SKA3: variants seen among roughly 807,000 people sequenced by gnomAD.
The protein encoded by SKA3 is spindle and kinetochore-associated protein 3.
A neutral mutation model predicts 44.2 loss-of-function variants in SKA3; 39 were observed. The observed-to-expected ratio is 0.88, with a 90% CI of 0.68 to 1.15. The LOEUF is 1.15. Ranked by LOEUF, SKA3 falls within the 50% of genes most tolerant of loss-of-function variation. SKA3 has a pLI of 0.00. For synonymous variants in SKA3, 192 were observed against 172.0 expected (o/e 1.12, Z -0.91); for missense variants, 511 against 485.8 (o/e 1.05, Z -0.49).
At chr13:21,169,371 T>C (rs1337574367) in intron 3 of SKA3, among the ~76,000 whole-genome samples, 2 of 152,014 alleles carry the variant, frequency 1.3e-5, no homozygotes, top group Non-Finnish European at 2.9e-5. Context: ...AGCTAATTTT[T>C]TGTATTTTTG....
intron 4 of SKA3, among the ~76,000 whole-genome samples, chr13:21,163,384 T>C (rs574274966): frequency 2.0e-5 from 3 of 152,314 alleles, no homozygotes; most frequent in East Asian, 1.9e-4. Flanking sequence ...TTTTGAACTA[T>C]AAATGAAATA....
intron 6 of SKA3, among the ~76,000 whole-genome samples, chr13:21,158,909 A>C (rs1023141741): frequency 6.6e-6 from 1 of 152,172 alleles, no homozygotes; most frequent in African/African-American, 2.4e-5. Flanking sequence ...GTGTCACCTC[A>C]GTAGGGTACC....
At chr13:21,174,087 A>C (rs1054706948) in intron 1 of SKA3, among the ~76,000 whole-genome samples, 13 of 152,262 alleles carry the variant, frequency 8.5e-5, no homozygotes, top group Admixed American at 2.0e-4. Context: ...AGTCAGGAAA[A>C]AACAGGTGCT....
At chr13:21,169,496 T>C (rs1217910632) in intron 3 of SKA3, among the ~76,000 whole-genome samples, 1 of 151,804 alleles carries the variant, frequency 6.6e-6, no homozygotes, top group Non-Finnish European at 1.5e-5. Flanking sequence ...CCACCATGCC[T>C]GGTCACAACA....
In SKA3 at chr13:21,158,011, G is replaced by T; in HGVS notation, c.1030C>A (p.Pro344Thr). ...SDTCFENLTD[P>T]SSPTISSYEN... Reference sequence around the variant, plus strand: ...TAAGAAGAAATCGTAGGTGAAGAGGGATCTGTTAAATTCTCAAAGCATGTG... The same window carrying T: ...TAAGAAGAAATCGTAGGTGAAGAGGTATCTGTTAAATTCTCAAAGCATGTG... The change falls in exon 7 of 9, where the codon CCC becomes ACC. Residue 344 changes from proline (P) to threonine (T), a missense_variant. Pro to Thr is a conservative substitution (Grantham distance 38). Transcript: ENST00000314759. The T allele has an allele frequency of 1.2e-6, 2 of 1,613,304 alleles. No homozygotes were observed. The highest frequency in any genetic ancestry group is 1.7e-4 in the Middle Eastern group (1 of 6,058).
chr13:21,168,634 G>A (rs868630740), intron 3 of SKA3, among the ~76,000 whole-genome samples: 2 of 152,026 alleles, frequency 1.3e-5, no homozygotes, highest in Non-Finnish European at 2.9e-5. Flanking sequence ...TCAAGTGATC[G>A]TCCCATCTCA....
intron 5 of SKA3, among the ~76,000 whole-genome samples, chr13:21,161,224 C>T (rs187719181): frequency 2.6e-5 from 4 of 152,204 alleles, no homozygotes; most frequent in Admixed American, 6.5e-5. Context: ...GAGCCAAGAT[C>T]GTGCCACTAC....
chr13:21,155,426 T>G (rs7328788), intron 8 of SKA3, among the ~76,000 whole-genome samples: 114,994 of 136,816 alleles, frequency 0.84, 48,253 homozygotes, highest in East Asian at 0.98. Context: ...TTTTTTTTTT[T>G]AGATGGAGTC....
Position 21,155,801 on chromosome 13 carries a change from T to G in SKA3, c.1130A>C (p.Lys377Thr). 6.5e-7 allele frequency: 1 copy of G among 1,543,272 alleles called. No homozygotes were observed. Among genetic ancestry groups the G allele is most frequent in the South Asian group, 1.1e-5 (1 of 88,584 alleles). The change falls in exon 8 of 9, where the codon AAA becomes ACA. Residue 377 changes from lysine (K) to threonine (T), a missense_variant. By Grantham distance (78) the Lys-to-Thr change is moderately conservative (BLOSUM62 -1). Transcript: ENST00000314759. ...TGGAGTAGCTAGGTTTGAGTTGTAT[T>G]TTGATAAAAGCTAAAAAAAAAAAAG... The part of the protein sequence containing the change: ...IPEDILQLLS[K>T]YNSNLATPIA...
chr13:21,162,569 T>G (rs768633712), intron 4 of SKA3, among the ~76,000 whole-genome samples: 1 of 152,112 alleles, frequency 6.6e-6, no homozygotes, highest in Admixed American at 6.6e-5. Flanking sequence ...GGTTTCACCA[T>G]GTTGGCCAGG....
At chr13:21,158,167 A>C in intron 6 of SKA3, 42 bp from the exon 7 acceptor site, 1 of 981,300 alleles carries the variant, frequency 1.0e-6, no homozygotes. Context: ...GTAATATAAC[A>C]TAATGTAGTA....
At position 21,158,012 on chromosome 13, in the gene SKA3, A is replaced by T. The variant is rs1312206323; in HGVS notation, c.1029T>A (p.Asp343Glu). 6.2e-7 allele frequency: 1 copy of T among 1,613,314 alleles called. No homozygotes were observed. The highest frequency in any genetic ancestry group is 8.5e-7 in the Non-Finnish European group (1 of 1,179,350). ...AAGAAGAAATCGTAGGTGAAGAGGG[A>T]TCTGTTAAATTCTCAAAGCATGTGT... ...NSDTCFENLT[D>E]PSSPTISSYE... The change falls in exon 7 of 9, where the codon GAT (aspartate) becomes GAA (glutamate). Residue 343 changes from aspartate (D) to glutamate (E), a missense_variant. By Grantham distance (45) the Asp-to-Glu change is conservative. Transcript: ENST00000314759.
At chr13:21,162,984 G>T (rs1334798800) in intron 4 of SKA3, among the ~76,000 whole-genome samples, 1 of 152,196 alleles carries the variant, frequency 6.6e-6, no homozygotes, top group African/African-American at 2.4e-5. Context: ...GTTCATAGCT[G>T]CAGTGAGCTA....
At chr13:21,172,987 C>T (rs1236470133) in intron 1 of SKA3, among the ~76,000 whole-genome samples, 1 of 152,168 alleles carries the variant, frequency 6.6e-6, no homozygotes, top group African/African-American at 2.4e-5. Flanking sequence ...ATATCATCTA[C>T]GTTTGTGTTA....
At chr13:21,171,796 G>A (rs548946891) in intron 3 of SKA3, among the ~76,000 whole-genome samples, 88 of 152,232 alleles carry the variant, frequency 5.8e-4, no homozygotes, top group Non-Finnish European at 8.5e-4. Flanking sequence ...TAATAATACA[G>A]CTATTAAGTG....
chr13:21,165,722 C>T (rs565671291), intron 4 of SKA3, among the ~76,000 whole-genome samples: 29 of 152,064 alleles, frequency 1.9e-4, no homozygotes, highest in African/African-American at 6.5e-4. Context: ...ATTACTTGAG[C>T]CCAGGAGTTC....
chr13:21,176,536 C>T lies in SKA3; in HGVS notation c.-59G>A, dbSNP rs1228091389. 3.0e-6 allele frequency: 3 copies of T among 987,334 alleles called. No homozygotes were observed. Among genetic ancestry groups the T allele is most frequent in the Non-Finnish European group, 4.0e-6 (3 of 750,480 alleles). 61.2% of individuals were successfully genotyped at this position (987,334 alleles called of 1,614,324 possible). ...GCAGACCCCACCGCTCAGCTCACAG[C>T]CTCCCGCCACTAGTTTGAATCTCGG... On this transcript the variant is annotated 5_prime_UTR_variant, in exon 1 of 9. Transcript: ENST00000314759.
In SKA3 at chr13:21,155,733, G is replaced by C; in HGVS notation, c.1198C>G (p.His400Asp). ...CTGACATCTCGGATGTTCTGTCCAT[G>C]TTTAAGGAACCTTTTACTGGGTGGC... ...AVPPSKRFLK[H>D]GQNIRDVSNK... The change falls in exon 8 of 9, where the codon CAT (histidine) becomes GAT (aspartate). Residue 400 changes from histidine (H) to aspartate (D), a missense_variant. Coordinates refer to ENST00000314759, the MANE Select transcript of SKA3 (RefSeq NM_145061.6). The C allele has an allele frequency of 6.2e-7, 1 of 1,610,238 alleles. No individual in the cohort carries two copies. The highest frequency in any genetic ancestry group is 8.5e-7 in the Non-Finnish European group (1 of 1,177,664).
At chr13:21,171,905 G>A (rs542804183) in intron 3 of SKA3, among the ~76,000 whole-genome samples, 47 of 152,272 alleles carry the variant, frequency 3.1e-4, no homozygotes, top group African/African-American at 9.4e-4. Context: ...AAAGGACTTC[G>A]TCAAATTTTA....
Sources: allele counts gnomAD v4.1 joint callset (sites outside exome capture counted in the v4.1 genomes callset), GRCh38; gene constraint gnomAD v4.1.1; transcripts MANE v1.5; gene names NCBI Gene and HGNC (gene_info 2026-07-23, HGNC 2026-07-21).